Variants in SYNGR3 observed in about 807,000 individuals in gnomAD.
SYNGR3 encodes the protein synaptogyrin-3.
In SYNGR3, 10 loss-of-function variants were observed where a neutral mutation model predicts 18.5. The observed-to-expected ratio is 0.54, with a 90% CI of 0.33 to 0.92. The LOEUF (loss-of-function observed/expected upper bound fraction) is 0.92. SYNGR3 is among the 40% of genes least tolerant of loss of function. The pLI, the probability that SYNGR3 is intolerant of heterozygous loss-of-function variation, is 0.02. For synonymous variants in SYNGR3, 188 were observed against 157.2 expected (o/e 1.20, Z -1.47); for missense variants, 335 against 332.8 (o/e 1.01, Z -0.05).
chr16:1,993,224 C>G lies in SYNGR3; in HGVS notation c.*152C>G, dbSNP rs1161200735. On this transcript the variant is annotated 3_prime_UTR_variant, in exon 4 of 4. Coordinates refer to ENST00000248121, the MANE Select transcript of SYNGR3 (RefSeq NM_004209.6). Reference sequence around the variant, plus strand: ...CCGGGGCCAAGAGGGGGTGGACCCGCGTGTCTGGGCTGCCCCTGCCAAGTT... The same window carrying G: ...CCGGGGCCAAGAGGGGGTGGACCCGGGTGTCTGGGCTGCCCCTGCCAAGTT... The G allele has an allele frequency of 2.1e-6, 2 of 964,048 alleles. No individual in the cohort carries two copies. Among genetic ancestry groups the G allele is most frequent in the Admixed American group, 2.5e-5 (1 of 39,354 alleles). The allele number at this position is 964,048 out of a possible 1,614,324, so 59.7% of individuals were successfully genotyped here. A position where few individuals can be genotyped will look rare whatever the true frequency, so the allele number is the denominator to read the frequency against.
intron 1 of SYNGR3, 168 bp downstream of exon 1, chr16:1,990,369 A>C: frequency 5.4e-6 from 2 of 371,432 alleles, no homozygotes; most frequent in Non-Finnish European, 9.6e-6. Flanking sequence ...GGGTGACGTC[A>C]CCGGGCAGGG....
intron 1 of SYNGR3, 54 bp downstream of exon 1, chr16:1,990,255 G>T: frequency 1.1e-6 from 1 of 919,754 alleles, no homozygotes; most frequent in Non-Finnish European, 1.4e-6. Context: ...CGACCTTCAG[G>T]CCCCTACCAG....
intron 1 of SYNGR3, 135 bp downstream of exon 1, chr16:1,990,336 CCTCCCCCGCCGGCCT>C: frequency 2.3e-6 from 1 of 443,884 alleles, no homozygotes; most frequent in Non-Finnish European, 3.8e-6. Flanking sequence ...CTCGCCGGCC[CCTCCCCCGCCGGCCT>C]CAGGTTGGGG....
At position 1,993,463 on chromosome 16, in the gene SYNGR3, C is replaced by T. The variant is rs2083615970; in HGVS notation, c.*391C>T. On this transcript the variant is annotated 3_prime_UTR_variant, in exon 4 of 4. Coordinates refer to ENST00000248121, the MANE Select transcript of SYNGR3 (RefSeq NM_004209.6). The stretch of plus-strand genomic sequence containing the variant: ...CAAAGCGGGGGCAGGGGAAAGACAC[C>T]ACCCTCGCCCCAAGACTGGGGATCC... 4.0e-6 allele frequency: 2 copies of T among 494,708 alleles called. No individual in the cohort carries two copies. The highest frequency in any genetic ancestry group is 7.9e-6 in the Non-Finnish European group (2 of 252,542). The allele number at this position is 494,708 out of a possible 1,614,324, so 30.6% of individuals were successfully genotyped here.
At position 1,993,633 on chromosome 16, in the gene SYNGR3, A is replaced by G. The variant is rs1253827977; in HGVS notation, c.*561A>G. ...CCTGTCAGTGTTGTGATCATGGTCC[A>G]GTCTTCGGGTTTCACCTCCTAGTAC... On this transcript the variant is annotated 3_prime_UTR_variant, in exon 4 of 4. Transcript: ENST00000248121. 1 of 455,818 alleles carries G rather than the reference A, an allele frequency of 2.2e-6. No individual in the cohort carries two copies. The highest frequency in any genetic ancestry group is 1.5e-5 in the South Asian group (1 of 64,536). 28.2% of individuals were successfully genotyped at this position (455,818 alleles called of 1,614,324 possible).
intron 2 of SYNGR3, 184 bp from the exon 3 acceptor site, chr16:1,992,452 G>T: frequency 1.1e-6 from 1 of 931,864 alleles, no homozygotes; most frequent in Non-Finnish European, 1.5e-6. Context: ...GCCTGGGCGC[G>T]GAACGGGTCT....
chr16:1,992,649 C>G lies in SYNGR3; in HGVS notation c.351C>G (p.Phe117Leu). Residue 117 changes from phenylalanine to leucine, a missense_variant, in exon 3 of 4, where the codon TTC becomes TTG. Phe to Leu is a conservative substitution (Grantham distance 22). Coordinates refer to ENST00000248121, the MANE Select transcript of SYNGR3 (RefSeq NM_004209.6). ...LDLGFSGLWSFLWFVGFCFLT... is the reference protein window; with the variant it reads ...LDLGFSGLWSLLWFVGFCFLT... ...CACTGTTCGCAGGACTCTGGTCCTT[C>G]CTGTGGTTCGTGGGCTTCTGCTTCC... is the stretch of plus-strand genomic sequence containing the variant. The G allele has an allele frequency of 1.2e-6, 2 of 1,606,308 alleles. No homozygotes were observed. The highest frequency in any genetic ancestry group is 1.4e-5 in the African/African-American group (1 of 73,856).
rs1419621813 is a variant in SYNGR3 at position 1,990,070 on chromosome 16, G to C, written c.-33G>C. ...GGCCGGACGGACAGGCGGACAGAAGGCGCCAGGGGCGCGCGTCCCGCCCGG... is the reference window on the plus strand; with the variant it reads ...GGCCGGACGGACAGGCGGACAGAAGCCGCCAGGGGCGCGCGTCCCGCCCGG... On this transcript the variant is annotated 5_prime_UTR_variant, in exon 1 of 4. Transcript: ENST00000248121. The C allele has an allele frequency of 1.6e-5, 17 of 1,051,682 alleles. No individual in the cohort carries two copies. Among genetic ancestry groups the C allele is most frequent in the Non-Finnish European group, 1.9e-5 (16 of 836,226 alleles). 65.1% of individuals were successfully genotyped at this position (1,051,682 alleles called of 1,614,324 possible). A position where few individuals can be genotyped will look rare whatever the true frequency, so the allele number is the denominator to read the frequency against.
At chr16:1,992,461 C>T in intron 2 of SYNGR3, 175 bp from the exon 3 acceptor site, 1 of 969,486 alleles carries the variant, frequency 1.0e-6, no homozygotes, top group East Asian at 3.2e-5. Flanking sequence ...CGGAACGGGT[C>T]TGGCGCTCCC....
chr16:1,993,018 C>T lies in SYNGR3; in HGVS notation c.636C>T (p.Pro212=), dbSNP rs370351437. The T allele has an allele frequency of 8.1e-6, 13 of 1,612,028 alleles. No individual in the cohort carries two copies. The highest frequency in any genetic ancestry group is 1.7e-5 in the Admixed American group (1 of 59,976). ...VEGTETYQSP[P]FTETLDTSPK... The stretch of plus-strand genomic sequence containing the variant: ...GCACCGAGACCTACCAGAGCCCGCC[C>T]TTCACCGAGACCCTGGACACCAGCC... The change falls in exon 4 of 4, where the codon CCC becomes CCT. Residue 212 remains proline, a synonymous_variant. Coordinates refer to ENST00000248121, the MANE Select transcript of SYNGR3 (RefSeq NM_004209.6).
chr16:1,991,775 G>A (rs751877971), intron 1 of SYNGR3, 199 bp from the exon 2 acceptor site: 2 of 557,520 alleles, frequency 3.6e-6, no homozygotes, highest in Non-Finnish European at 6.3e-6. Context: ...CAATGTCTGG[G>A]CATAGTAGAT....
chr16:1,993,076 C>A lies in SYNGR3; in HGVS notation c.*4C>A. On this transcript the variant is annotated 3_prime_UTR_variant, in exon 4 of 4. Transcript: ENST00000248121. ...GTACCAGGTGCCCGCCTACTAGCGG[C>A]TGGCAGGCACAGACCAGGGCTCCAA... 1 of 1,605,958 alleles carries A rather than the reference C, an allele frequency of 6.2e-7. No homozygotes were observed. Among genetic ancestry groups the A allele is most frequent in the Non-Finnish European group, 8.5e-7 (1 of 1,177,182 alleles).
chr16:1,990,254 G>T (rs958931164), intron 1 of SYNGR3, 53 bp downstream of exon 1: 4 of 991,392 alleles, frequency 4.0e-6, no homozygotes, highest in Non-Finnish European at 5.2e-6. Context: ...GCGACCTTCA[G>T]GCCCCTACCA....
rs1049713281 is a variant in SYNGR3 at position 1,991,991 on chromosome 16, C to G, written c.117C>G (p.Val39=). The G allele has an allele frequency of 6.3e-7, 1 of 1,595,754 alleles. No homozygotes were observed. Among genetic ancestry groups the G allele is most frequent in the African/African-American group, 1.4e-5 (1 of 73,740 alleles). The change falls in exon 2 of 4, where the codon GTC becomes GTG. Residue 39 remains valine, a synonymous_variant. Coordinates refer to ENST00000248121, the MANE Select transcript of SYNGR3 (RefSeq NM_004209.6). The part of the protein sequence containing the change: ...RVASWVFSIA[V]FGPIVNEGYV... ...GCACGCAGGTGTTCTCCATCGCCGT[C>G]TTCGGGCCCATCGTCAACGAGGGCT...
rs2083593803 is a variant in SYNGR3, at chr16:1,990,050, G to A, written c.-53G>A. On this transcript the variant is annotated 5_prime_UTR_variant, in exon 1 of 4. Coordinates refer to ENST00000248121, the MANE Select transcript of SYNGR3 (RefSeq NM_004209.6). Reference sequence around the variant, plus strand: ...CAGCGGCCTCGGGCGGGGCCGGCCGGACGGACAGGCGGACAGAAGGCGCCA... The same window carrying A: ...CAGCGGCCTCGGGCGGGGCCGGCCGAACGGACAGGCGGACAGAAGGCGCCA... 1.2e-6 allele frequency: 1 copy of A among 808,504 alleles called. No homozygotes were observed. The highest frequency in any genetic ancestry group is 4.8e-5 in the Admixed American group (1 of 21,024). The allele number at this position is 808,504 out of a possible 1,614,324, so 50.1% of individuals were successfully genotyped here.
rs779341520 is a variant in SYNGR3, at chr16:1,992,040, G to C, written c.166G>C (p.Glu56Gln). 2 of 1,580,126 alleles carry C rather than the reference G, an allele frequency of 1.3e-6. No homozygotes were observed. The highest frequency in any genetic ancestry group is 1.7e-6 in the Non-Finnish European group (2 of 1,165,032). The change falls in exon 2 of 4, where the codon GAG (glutamate) becomes CAG (glutamine). Residue 56 changes from glutamate to glutamine, a missense_variant. Transcript: ENST00000248121. ...EGYVNTDSGPELRCVFNGNAG... is the reference protein window; with the variant it reads ...EGYVNTDSGPQLRCVFNGNAG... ...CTACGTGAACACCGACAGCGGCCCC[G>C]AGCTGCGCTGCGTGTTCAACGGGAA...
At position 1,992,058 on chromosome 16, in the gene SYNGR3, A is replaced by T. The variant is rs781215693; in HGVS notation, c.184A>T (p.Asn62Tyr). The T allele has an allele frequency of 3.2e-6, 5 of 1,574,316 alleles. No individual in the cohort carries two copies. Among genetic ancestry groups the T allele is most frequent in the Non-Finnish European group, 4.3e-6 (5 of 1,161,912 alleles). Residue 62 changes from asparagine (N) to tyrosine (Y), a missense_variant, in exon 2 of 4, where the codon AAC (asparagine) becomes TAC (tyrosine). By Grantham distance (143) the Asn-to-Tyr change is moderately radical. Coordinates refer to ENST00000248121, the MANE Select transcript of SYNGR3 (RefSeq NM_004209.6). ...CGGCCCCGAGCTGCGCTGCGTGTTC[A>T]ACGGGAACGCGGGCGCCTGCCGCTT... ...DSGPELRCVF[N>Y]GNAGACRFGV...
In SYNGR3 at chr16:1,992,129, C is replaced by T; in HGVS notation, c.255C>T (p.Phe85=). The change falls in exon 2 of 4, where the codon TTC becomes TTT. Residue 85 remains phenylalanine (F), a synonymous_variant. Transcript: ENST00000248121. ...GAGCCTTCCTCGCCTGCGCCGCCTT[C>T]CTGCTGCTCGATGTGCGCTTCCAGC... ...GLGAFLACAA[F]LLLDVRFQQI... 1.9e-6 allele frequency: 3 copies of T among 1,543,118 alleles called. No homozygotes were observed. The highest frequency in any genetic ancestry group is 2.6e-6 in the Non-Finnish European group (3 of 1,146,936).
At position 1,993,143 on chromosome 16, in the gene SYNGR3, C is replaced by T; in HGVS notation, c.*71C>T. On this transcript the variant is annotated 3_prime_UTR_variant, in exon 4 of 4. Transcript: ENST00000248121. ...CAGGCCCCAGGGTCTCCGGGACCTC[C>T]CTTGGGTCCTTCCAGCTCAGTGCCG... is the stretch of plus-strand genomic sequence containing the variant. 6.6e-7 allele frequency: 1 copy of T among 1,521,538 alleles called. No individual in the cohort carries two copies. 94.3% of individuals were successfully genotyped at this position (1,521,538 alleles called of 1,614,324 possible). A position where few individuals can be genotyped will look rare whatever the true frequency, so the allele number is the denominator to read the frequency against.
Sources: gnomAD v4.1 joint callset for allele counts on GRCh38, gnomAD v4.1.1 for gene constraint, MANE v1.5 for transcripts, NCBI Gene and HGNC (gene_info 2026-07-23, HGNC 2026-07-21) for gene names.